The following EFNB1 variants were observed in gnomAD, a reference collection of about 807,000 sequenced individuals.
The protein encoded by EFNB1 is ephrin B1.
A neutral mutation model predicts 18.1 loss-of-function variants in EFNB1; 1 was observed. That is an observed-to-expected ratio of 0.06 (90% CI 0.02 to 0.26). The LOEUF (loss-of-function observed/expected upper bound fraction) is 0.26. Ranked by LOEUF, EFNB1 falls within the 10% of genes least tolerant of loss-of-function variation. EFNB1 has a pLI of 1.00. For synonymous variants in EFNB1, 131 were observed against 127.5 expected, an observed-to-expected ratio of 1.03 and a Z score of -0.19; for missense variants, 221 against 301.8, an observed-to-expected ratio of 0.73 and a Z score of 1.98.
chrX:68,829,498 C>G lies in EFNB1; in HGVS notation c.-279C>G, dbSNP rs756470369. The G allele has an allele frequency of 9.3e-3, 3,485 of 372,790 alleles. 21 individuals are homozygous for G. Among genetic ancestry groups the G allele is most frequent in the Non-Finnish European group, 0.012 (2,579 of 213,874 alleles). The allele number at this position is 372,790 out of a possible 1,213,427, so 30.7% of individuals were successfully genotyped here. On this transcript the variant is annotated 5_prime_UTR_variant, in exon 1 of 5. Transcript: ENST00000204961. The stretch of plus-strand genomic sequence containing the variant: ...GGCGGGATCACCCGGGGGCGCAGAG[C>G]CCCCGTCGCGCCTCGTGCGGCAGCG...
intron 1 of EFNB1, among the ~76,000 whole-genome samples, chrX:68,834,931 A>G (rs1243502808): frequency 8.9e-6 from 1 of 112,403 alleles, no homozygotes; most frequent in Non-Finnish European, 1.9e-5. Context: ...TTGTATTCAC[A>G]TGGGTGGAGA....
chrX:68,830,125 C>CCCCT (rs2080440862), intron 1 of EFNB1, among the ~76,000 whole-genome samples: 1 of 111,305 alleles, frequency 9.0e-6, no homozygotes, highest in Non-Finnish European at 1.9e-5. Flanking sequence ...GGCTTCCCAC[C>CCCCT]CCCTGCCTCT....
Position 68,829,743 on chromosome X carries a change from A to G in EFNB1, c.-34A>G. The G allele has an allele frequency of 1.7e-6, 2 of 1,177,565 alleles. No individual in the cohort carries two copies. Among genetic ancestry groups the G allele is most frequent in the Non-Finnish European group, 2.3e-6 (2 of 878,321 alleles). On this transcript the variant is annotated 5_prime_UTR_variant, in exon 1 of 5. Transcript: ENST00000204961. ...AGGCGAGCTTTGGTGAGGAGGCGCCAAGGGATCCCGAAGTGCAGTCTGCCC... is the reference window on the plus strand; with the variant it reads ...AGGCGAGCTTTGGTGAGGAGGCGCCGAGGGATCCCGAAGTGCAGTCTGCCC...
At chrX:68,832,497 A>G (rs947997023) in intron 1 of EFNB1, among the ~76,000 whole-genome samples, 3 of 110,319 alleles carry the variant, frequency 2.7e-5, no homozygotes, top group African/African-American at 1.0e-4. Context: ...GTGCCTATAA[A>G]CCCTGCTTAA....
chrX:68,838,472 C>A, intron 1 of EFNB1, 145 bp from the exon 2 acceptor site: 1 of 674,646 alleles, frequency 1.5e-6, no homozygotes, highest in Non-Finnish European at 2.3e-6. Context: ...CCACCCCCAG[C>A]CTGAGGATGG....
intron 1 of EFNB1, among the ~76,000 whole-genome samples, chrX:68,835,396 C>T (rs1056340913): frequency 1.8e-5 from 2 of 111,604 alleles, no homozygotes; most frequent in South Asian, 7.6e-4. Context: ...AGTTTCACTT[C>T]GGGATATCTC....
chrX:68,838,266 G>A (rs1296844144), intron 1 of EFNB1, among the ~76,000 whole-genome samples: 1 of 110,221 alleles, frequency 9.1e-6, no homozygotes, highest in African/African-American at 3.3e-5. Context: ...ATATAAGACT[G>A]CCACCTCCAG....
At chrX:68,830,615 G>A (rs928429487) in intron 1 of EFNB1, among the ~76,000 whole-genome samples, 1 of 112,245 alleles carries the variant, frequency 8.9e-6, no homozygotes, top group East Asian at 2.8e-4. Flanking sequence ...ACCAGTGCCC[G>A]TCAGGGGTCC....
chrX:68,831,301 TCTC>T (rs1228428483), intron 1 of EFNB1, among the ~76,000 whole-genome samples: 2 of 111,229 alleles, frequency 1.8e-5, no homozygotes, highest in African/African-American at 3.3e-5. Flanking sequence ...TTAGTTTTCT[TCTC>T]CTCGATTAAG....
chrX:68,839,069 C>T (rs1399031338), intron 2 of EFNB1, among the ~76,000 whole-genome samples, 175 bp downstream of exon 2: 3 of 112,226 alleles, frequency 2.7e-5, no homozygotes, highest in African/African-American at 6.5e-5. Flanking sequence ...TTGGAATTCT[C>T]GCCCCAACAT....
Position 68,839,610 on chromosome X carries a change from A to G in EFNB1, c.407-54A>G. ...AGAATGGGAGTTTCTGGGTAATGCT[A>G]GTAGACCTTTCTCTCCTCCTGACTT... On this transcript the variant is annotated intron_variant, in intron 2 of 4. Transcript: ENST00000204961. 4.5e-6 allele frequency: 5 copies of G among 1,119,351 alleles called. No individual in the cohort carries two copies. In the South Asian group the frequency reaches 7.6e-5, roughly 17 times the overall value. 92.2% of individuals were successfully genotyped at this position (1,119,351 alleles called of 1,213,427 possible).
In EFNB1 at chrX:68,840,727, C is replaced by T; in HGVS notation, c.*73C>T. The T allele has an allele frequency of 9.5e-7, 1 of 1,057,375 alleles. No homozygotes were observed. Among genetic ancestry groups the T allele is most frequent in the Non-Finnish European group, 1.3e-6 (1 of 776,342 alleles). The allele number at this position is 1,057,375 out of a possible 1,213,427, so 87.1% of individuals were successfully genotyped here. On this transcript the variant is annotated 3_prime_UTR_variant, in exon 5 of 5. Transcript: ENST00000204961. ...GACCTCTCCTTTCGCCCCCACACCCCCTCCCCTTGCCAGCTGTGCCCACCT... is the reference window on the plus strand; with the variant it reads ...GACCTCTCCTTTCGCCCCCACACCCTCTCCCCTTGCCAGCTGTGCCCACCT...
Position 68,829,787 on chromosome X carries a change from C to T in EFNB1, c.11C>T (p.Pro4Leu). Residue 4 changes from proline to leucine, a missense_variant, in exon 1 of 5, where the codon CCT becomes CTT. Pro to Leu is a moderately conservative substitution (Grantham distance 98). Transcript: ENST00000204961. Reference protein sequence around the residue: MARPGQRWLGKWLV... With the variant: MARLGQRWLGKWLV... ...TCTGCCCCCGGGAAGATGGCTCGGC[C>T]TGGGCAGCGTTGGCTCGGCAAGTGG... The T allele has an allele frequency of 8.4e-7, 1 of 1,192,511 alleles. No individual in the cohort carries two copies. Among genetic ancestry groups the T allele is most frequent in the Non-Finnish European group, 1.1e-6 (1 of 885,780 alleles).
chrX:68,829,598 C>T lies in EFNB1; in HGVS notation c.-179C>T, dbSNP rs921538487. The T allele has an allele frequency of 8.5e-6, 7 of 825,820 alleles. No individual in the cohort carries two copies. The Admixed American group carries it at 8.5e-5, about 10-fold the overall frequency. 68.1% of individuals were successfully genotyped at this position (825,820 alleles called of 1,213,427 possible). A position where few individuals can be genotyped will look rare whatever the true frequency, so the allele number is the denominator to read the frequency against. ...GGGGGCGGCTGCCCAGTGAGTCCTC[C>T]TGGCCGGCCGGGCGGAGAAGAGCGA... is the stretch of plus-strand genomic sequence containing the variant. On this transcript the variant is annotated 5_prime_UTR_variant, in exon 1 of 5. Transcript: ENST00000204961.
chrX:68,832,716 C>T (rs1346282186), intron 1 of EFNB1, among the ~76,000 whole-genome samples: 1 of 111,440 alleles, frequency 9.0e-6, no homozygotes, highest in Admixed American at 9.5e-5. Flanking sequence ...GAGCTTCTGC[C>T]TCCTTGGCCC....
rs1361804387 is a variant in EFNB1, at chrX:68,841,930, TG to T, written c.*1278del. 3 of 113,244 alleles carry T rather than the reference TG, an allele frequency of 2.6e-5. No homozygotes were observed. Among genetic ancestry groups the T allele is most frequent in the African/African-American group, 9.6e-5 (3 of 31,119 alleles). 9.3% of individuals were successfully genotyped at this position (113,244 alleles called of 1,213,427 possible). A position where few individuals can be genotyped will look rare whatever the true frequency, so the allele number is the denominator to read the frequency against. ...CACCATCCACCTCCACACTGCCTCC[TG>T]GCCAGCTGCCCACCCCAGTGCCAGG... is the stretch of plus-strand genomic sequence containing the variant. On this transcript the variant is annotated 3_prime_UTR_variant, in exon 5 of 5. Transcript: ENST00000204961.
At chrX:68,829,962 C>CG in intron 1 of EFNB1, 58 bp downstream of exon 1, 1 of 1,159,329 alleles carries the variant, frequency 8.6e-7, no homozygotes. Context: ...AGGGTGAGGC[C>CG]GCACGCCCCG....
chrX:68,835,084 T>C (rs1224575778), intron 1 of EFNB1, among the ~76,000 whole-genome samples: 1 of 111,699 alleles, frequency 9.0e-6, no homozygotes, highest in Non-Finnish European at 1.9e-5. Context: ...ATCGTGGTGC[T>C]TCTAAGCTAG....
chrX:68,830,918 G>A (rs1370131838), intron 1 of EFNB1, among the ~76,000 whole-genome samples: 2 of 111,993 alleles, frequency 1.8e-5, no homozygotes, highest in Non-Finnish European at 3.8e-5. Context: ...CTTTCAGGGC[G>A]GTGGCTCAGT....
Sources: gnomAD v4.1 joint callset for allele counts (sites outside exome capture counted in the v4.1 genomes callset) on GRCh38, gnomAD v4.1.1 for gene constraint, MANE v1.5 for transcripts, NCBI Gene and HGNC (gene_info 2026-07-23, HGNC 2026-07-21) for gene names.